ZNF407: variants seen among roughly 807,000 people sequenced by gnomAD.
ZNF407 encodes zinc finger protein 407.
In ZNF407, 17 loss-of-function variants were observed where a neutral mutation model predicts 131.2. The ratio of observed to expected loss-of-function variants is 0.13; its 90% CI spans 0.09 to 0.19. The LOEUF is 0.19. Among genes scored for constraint, ZNF407 ranks in the 10% least tolerant of loss-of-function variants. The probability of loss-of-function intolerance (pLI) is 1.00; values close to 1 mark genes in which losing one functional copy is unlikely to be tolerated. For synonymous variants in ZNF407, 1,156 were observed against 1,062.0 expected, an observed-to-expected ratio of 1.09 and a Z score of -1.72; for missense variants, 2,681 against 2,830.6, an observed-to-expected ratio of 0.95 and a Z score of 1.20.
intron 3 of ZNF407, among the ~76,000 whole-genome samples, chr18:74,669,951 A>G (rs1225446871): frequency 6.6e-6 from 1 of 152,112 alleles, no homozygotes; most frequent in African/African-American, 2.4e-5. Flanking sequence ...TTTTTCCTCA[A>G]CCCTCTCTGA....
chr18:74,734,510 A>G (rs1167769053), intron 3 of ZNF407, among the ~76,000 whole-genome samples: 2 of 152,222 alleles, frequency 1.3e-5, no homozygotes, highest in African/African-American at 4.8e-5. Context: ...TTCTATAGGT[A>G]CATAATCTTT....
intron 4 of ZNF407, among the ~76,000 whole-genome samples, chr18:74,787,520 C>A (rs979757528): frequency 9.2e-5 from 14 of 152,150 alleles, no homozygotes; most frequent in African/African-American, 2.7e-4. Flanking sequence ...GGCTCCTCTG[C>A]GGGGTGGAGA....
At chr18:74,994,698 C>G (rs935781269) in intron 8 of ZNF407, among the ~76,000 whole-genome samples, 1 of 152,146 alleles carries the variant, frequency 6.6e-6, no homozygotes, top group African/African-American at 2.4e-5. Flanking sequence ...GACACGTGTC[C>G]TATGACCAGG....
intron 3 of ZNF407, among the ~76,000 whole-genome samples, chr18:74,645,962 C>T (rs960425839): frequency 2.0e-5 from 3 of 152,134 alleles, no homozygotes; most frequent in African/African-American, 7.2e-5. Flanking sequence ...ATTTAAACCT[C>T]TAATGGTACA....
intron 8 of ZNF407, among the ~76,000 whole-genome samples, chr18:74,972,190 C>T (rs1206259778): frequency 6.6e-6 from 1 of 152,156 alleles, no homozygotes; most frequent in African/African-American, 2.4e-5. Context: ...CCTCCCTTTT[C>T]ACTGTTGTGA....
chr18:74,807,477 T>C (rs1394798628), intron 4 of ZNF407, among the ~76,000 whole-genome samples: 1 of 152,214 alleles, frequency 6.6e-6, no homozygotes, highest in Non-Finnish European at 1.5e-5. Context: ...TGCTATAGTA[T>C]GGTGCTCAAG....
At chr18:74,899,258 A>ATTGTCT (rs1971491898) in intron 7 of ZNF407, among the ~76,000 whole-genome samples, 1 of 152,232 alleles carries the variant, frequency 6.6e-6, no homozygotes, top group African/African-American at 2.4e-5. Flanking sequence ...ACAGGAGACC[A>ATTGTCT]TTTAAAAGAC....
intron 4 of ZNF407, among the ~76,000 whole-genome samples, chr18:74,821,570 T>G (rs1970340853): frequency 6.6e-6 from 1 of 152,162 alleles, no homozygotes; most frequent in African/African-American, 2.4e-5. Flanking sequence ...GGTTTCCAGC[T>G]TCATCCATGT....
intron 3 of ZNF407, among the ~76,000 whole-genome samples, chr18:74,778,162 C>T (rs959913617): frequency 6.6e-5 from 10 of 152,208 alleles, no homozygotes; most frequent in African/African-American, 2.4e-4. Flanking sequence ...TTGCTATTCT[C>T]ACCCGCCCTC....
At chr18:74,658,504 G>A (rs1985576957) in intron 3 of ZNF407, among the ~76,000 whole-genome samples, 1 of 152,190 alleles carries the variant, frequency 6.6e-6, no homozygotes, top group African/African-American at 2.4e-5. Context: ...AATTTTACAG[G>A]TTTAATGGGT....
chr18:74,773,315 A>G (rs1235631144), intron 3 of ZNF407, among the ~76,000 whole-genome samples: 3 of 151,518 alleles, frequency 2.0e-5, no homozygotes, highest in East Asian at 3.8e-4. Flanking sequence ...TGACAATAGT[A>G]TGAAAGAGGA....
intron 8 of ZNF407, among the ~76,000 whole-genome samples, chr18:75,043,907 A>G (rs892880363): frequency 2.0e-5 from 3 of 152,228 alleles, no homozygotes; most frequent in Admixed American, 6.5e-5. Context: ...TTGATAATCA[A>G]TGATAGAGTT....
intron 3 of ZNF407, among the ~76,000 whole-genome samples, chr18:74,750,846 T>C (rs1436398521): frequency 6.6e-6 from 1 of 152,134 alleles, no homozygotes; most frequent in East Asian, 1.9e-4. Context: ...CAACAAGACT[T>C]GTTGTTTGTC....
chr18:74,660,173 A>C (rs1985651245), intron 3 of ZNF407, among the ~76,000 whole-genome samples: 1 of 152,130 alleles, frequency 6.6e-6, no homozygotes, highest in Non-Finnish European at 1.5e-5. Context: ...TGATTTGCAT[A>C]TGGTAGAGTT....
Position 74,810,691 on chromosome 18 carries a change from T to C in ZNF407, c.4877+29189T>C, listed in dbSNP as rs536646786. 7.9e-4 allele frequency among the ~76,000 whole-genome samples: 120 copies of C among 152,144 alleles called. 1 individual carries two copies. The highest frequency in any genetic ancestry group is 2.5e-3 in the African/African-American group (105 of 41,528). ...AGTTAGTTTTTAAATTTCAGAAATATCGCCGCATATCTACAACTATCTGAT... is the reference window on the plus strand; with the variant it reads ...AGTTAGTTTTTAAATTTCAGAAATACCGCCGCATATCTACAACTATCTGAT... On this transcript the variant is annotated intron_variant, in intron 4 of 8. Transcript: ENST00000299687.
At chr18:74,726,878 T>C (rs907459012) in intron 3 of ZNF407, among the ~76,000 whole-genome samples, 37 of 152,162 alleles carry the variant, frequency 2.4e-4, no homozygotes, top group Non-Finnish European at 2.5e-4. Flanking sequence ...CACAGAGTCT[T>C]GGGCATGTGC....
At position 74,671,665 on chromosome 18, in the gene ZNF407, C is replaced by T. The variant is rs116302971; in HGVS notation, c.4802+30543C>T. 2.0e-3 allele frequency among the ~76,000 whole-genome samples: 299 copies of T among 152,312 alleles called. 1 individual carries two copies. The highest frequency in any genetic ancestry group is 6.9e-3 in the African/African-American group (285 of 41,584). On this transcript the variant is annotated intron_variant, in intron 3 of 8. Transcript: ENST00000299687. ...TTGCTAAGGATAATAGCCTCCAGCT[C>T]CATCCATGTACCCACAAAGGACATA...
chr18:74,624,113 G>C (rs987111530), intron 1 of ZNF407, among the ~76,000 whole-genome samples: 2 of 152,202 alleles, frequency 1.3e-5, no homozygotes, highest in East Asian at 3.8e-4. Flanking sequence ...AGGGAAAGGA[G>C]ATCACGCCTT....
chr18:74,672,814 C>T (rs951424245), intron 3 of ZNF407, among the ~76,000 whole-genome samples: 1 of 152,072 alleles, frequency 6.6e-6, no homozygotes, highest in African/African-American at 2.4e-5. Flanking sequence ...TTTTAATGAA[C>T]CTATAATACC....
Sources: allele counts gnomAD v4.1 joint callset (sites outside exome capture counted in the v4.1 genomes callset), GRCh38; gene constraint gnomAD v4.1.1; transcripts MANE v1.5; gene names NCBI Gene and HGNC (gene_info 2026-07-23, HGNC 2026-07-21).